TRPC5: variants seen among roughly 807,000 people sequenced by gnomAD.
TRPC5 encodes short transient receptor potential channel 5.
In TRPC5, 9 loss-of-function variants were observed where a neutral mutation model predicts 56.5. The ratio of observed to expected loss-of-function variants is 0.16; its 90% confidence interval spans 0.10 to 0.28. The LOEUF is 0.28. TRPC5 is among the 10% of genes least tolerant of loss of function. TRPC5 has a pLI of 1.00. For synonymous variants in TRPC5, 282 were observed against 278.5 expected (o/e 1.01, Z -0.13); for missense variants, 469 against 748.9 (o/e 0.63, Z 4.36).
At chrX:111,858,575 C>G (rs1221016932) in intron 3 of TRPC5, among the ~76,000 whole-genome samples, 1 of 110,527 alleles carries the variant, frequency 9.0e-6, no homozygotes, top group East Asian at 2.8e-4. Context: ...TTCTGTGTCT[C>G]TTTGTTGTGC....
At chrX:112,004,138 G>A (rs1382361115) in intron 1 of TRPC5, among the ~76,000 whole-genome samples, 1 of 112,155 alleles carries the variant, frequency 8.9e-6, no homozygotes, top group African/African-American at 3.2e-5. Flanking sequence ...CAGCAGAGAA[G>A]TGGTGGATCC....
chrX:111,925,553 C>A (rs956378611), intron 2 of TRPC5, among the ~76,000 whole-genome samples: 2 of 111,694 alleles, frequency 1.8e-5, no homozygotes, highest in African/African-American at 6.5e-5. Context: ...AAAATTCTGG[C>A]AGGTTTCAAA....
At chrX:112,008,692 C>T (rs1409010620) in intron 1 of TRPC5, among the ~76,000 whole-genome samples, 1 of 110,951 alleles carries the variant, frequency 9.0e-6, no homozygotes, top group East Asian at 2.8e-4. Context: ...TGACCTCTGG[C>T]CTGCTATTTT....
intron 1 of TRPC5, among the ~76,000 whole-genome samples, chrX:112,002,506 T>G (rs1047446562): frequency 8.9e-6 from 1 of 111,874 alleles, no homozygotes; most frequent in Non-Finnish European, 1.9e-5. Context: ...GCTCTTTCTT[T>G]TTCTCGTTCT....
chrX:111,865,465 T>C (rs1413618259), intron 3 of TRPC5, among the ~76,000 whole-genome samples: 2 of 110,136 alleles, frequency 1.8e-5, no homozygotes, highest in African/African-American at 6.6e-5. Context: ...TAGCTGGGAC[T>C]ACAGGCGCAC....
rs1454851830 is a variant in TRPC5, at chrX:111,772,952, G to C, written c.*3361C>G. 9.0e-6 allele frequency among the ~76,000 whole-genome samples: 1 copy of C among 111,604 alleles called. No individual in the cohort carries two copies. Among genetic ancestry groups the C allele is most frequent in the African/African-American group, 3.3e-5 (1 of 30,699 alleles). ...TCTAAAGTTCCCACTGAGGTTTTCAGATGAGGTTTGCACTGCCATAAGAAC... is the reference window on the plus strand; with the variant it reads ...TCTAAAGTTCCCACTGAGGTTTTCACATGAGGTTTGCACTGCCATAAGAAC... On this transcript the variant is annotated 3_prime_UTR_variant, in exon 11 of 11. Coordinates refer to ENST00000262839, the MANE Select transcript of TRPC5 (RefSeq NM_012471.3).
chrX:111,869,632 G>A (rs1278053351), intron 3 of TRPC5, among the ~76,000 whole-genome samples: 1 of 112,495 alleles, frequency 8.9e-6, no homozygotes, highest in African/African-American at 3.2e-5. Flanking sequence ...AGTGCATACA[G>A]CAGTCAGAAT....
At chrX:111,868,700 G>A in intron 3 of TRPC5, among the ~76,000 whole-genome samples, 1 of 111,762 alleles carries the variant, frequency 8.9e-6, no homozygotes, top group Non-Finnish European at 1.9e-5. Context: ...TGAAGGGTGA[G>A]AATGAGTCGT....
At chrX:111,889,015 T>C (rs2148605641) in intron 3 of TRPC5, among the ~76,000 whole-genome samples, 1 of 112,175 alleles carries the variant, frequency 8.9e-6, no homozygotes, top group Admixed American at 9.4e-5. Context: ...GAATGTACTG[T>C]GTTGAATTTT....
intron 7 of TRPC5, among the ~76,000 whole-genome samples, chrX:111,826,687 T>C (rs1321299107): frequency 1.8e-5 from 2 of 112,562 alleles, no homozygotes; most frequent in African/African-American, 6.4e-5. Context: ...ATAGCTTCCA[T>C]GGTTTGGACT....
intron 3 of TRPC5, among the ~76,000 whole-genome samples, chrX:111,887,033 T>C (rs897068121): frequency 2.7e-5 from 3 of 112,590 alleles, no homozygotes; most frequent in Non-Finnish European, 5.6e-5. Flanking sequence ...CAGTCTCCAC[T>C]CTTTGCATGT....
chrX:112,029,931 G>A (rs1418661526), intron 1 of TRPC5, among the ~76,000 whole-genome samples: 23 of 109,847 alleles, frequency 2.1e-4, no homozygotes, highest in East Asian at 1.4e-3. Flanking sequence ...GGGTTCAAGC[G>A]AGTCTCCTGC....
intron 1 of TRPC5, among the ~76,000 whole-genome samples, chrX:111,960,565 G>A (rs1321000838): frequency 9.0e-6 from 1 of 111,675 alleles, no homozygotes; most frequent in Non-Finnish European, 1.9e-5. Context: ...AAGCAGAATG[G>A]AAACACACTG....
At chrX:111,937,904 G>A (rs867049183) in intron 2 of TRPC5, among the ~76,000 whole-genome samples, 1,454 of 104,316 alleles carry the variant, frequency 0.014, 17 homozygotes, top group Middle Eastern at 0.062. Flanking sequence ...TAGCTTGATG[G>A]GGATGGCATT....
chrX:112,017,123 C>T (rs1053170821), intron 1 of TRPC5, among the ~76,000 whole-genome samples: 2 of 111,646 alleles, frequency 1.8e-5, no homozygotes, highest in African/African-American at 6.5e-5. Flanking sequence ...AAGCAATTCT[C>T]CTGCCTCAGC....
intron 1 of TRPC5, among the ~76,000 whole-genome samples, chrX:112,011,270 C>T (rs1455215966): frequency 3.6e-5 from 4 of 111,696 alleles, no homozygotes; most frequent in Non-Finnish European, 5.6e-5. Flanking sequence ...AGGACCTAAA[C>T]TGACAGTGCC....
intron 1 of TRPC5, among the ~76,000 whole-genome samples, chrX:112,048,184 C>T (rs746674155): frequency 3.7e-4 from 41 of 111,710 alleles, no homozygotes; most frequent in African/African-American, 1.3e-3. Flanking sequence ...ACTAAATATA[C>T]TTTTGGTAGA....
At chrX:112,056,857 A>C (rs1327895012) in intron 1 of TRPC5, among the ~76,000 whole-genome samples, 1 of 112,454 alleles carries the variant, frequency 8.9e-6, no homozygotes, top group African/African-American at 3.2e-5. Flanking sequence ...ATTGAGTGGC[A>C]ATTTCAATTG....
intron 2 of TRPC5, among the ~76,000 whole-genome samples, chrX:111,921,015 C>T (rs1026034348): frequency 6.3e-5 from 7 of 111,893 alleles, no homozygotes; most frequent in African/African-American, 2.3e-4. Flanking sequence ...AATTGTAATG[C>T]AACTATTTCT....
Sources: gnomAD v4.1 joint callset for allele counts (sites outside exome capture counted in the v4.1 genomes callset) on GRCh38, gnomAD v4.1.1 for gene constraint, MANE v1.5 for transcripts, NCBI Gene and HGNC (gene_info 2026-07-23, HGNC 2026-07-21) for gene names.